The following ADGRB1 variants were observed in gnomAD, a reference collection of about 807,000 sequenced individuals.
ADGRB1 encodes the protein brain-specific angiogenesis inhibitor 1.
Under a neutral mutation model 175.7 loss-of-function variants are expected in ADGRB1, and 36 were observed. The ratio of observed to expected loss-of-function variants is 0.20; its 90% CI spans 0.16 to 0.27. ADGRB1 has a LOEUF of 0.27. Ranked by LOEUF, ADGRB1 falls within the 10% of genes least tolerant of loss-of-function variation. The pLI is 1.00. For missense variants in ADGRB1, 1,731 were observed against 2,255.3 expected (o/e 0.77, Z 4.71); for synonymous variants, 1,054 against 979.4 (o/e 1.08, Z -1.42).
At chr8:142,532,149 G>C (rs1257335026) in intron 24 of ADGRB1, among the ~76,000 whole-genome samples, 1 of 152,166 alleles carries the variant, frequency 6.6e-6, no homozygotes, top group Non-Finnish European at 1.5e-5. Context: ...TGTAGGAGGA[G>C]GGGAGGAGGG....
intron 20 of ADGRB1, among the ~76,000 whole-genome samples, chr8:142,521,512 C>T (rs138652342): frequency 2.5e-4 from 38 of 152,368 alleles, no homozygotes; most frequent in East Asian, 1.3e-3. Context: ...CAAGAGGGCC[C>T]GCAGTGAGAC....
rs1046908974 is a variant in ADGRB1 at position 142,537,146 on chromosome 8, C to T, written c.3666+64C>T. 12 of 1,278,740 alleles carry T rather than the reference C, an allele frequency of 9.4e-6. No individual in the cohort carries two copies. Among genetic ancestry groups the T allele is most frequent in the Middle Eastern group, 2.5e-4 (1 of 3,974 alleles). 79.2% of individuals were successfully genotyped at this position (1,278,740 alleles called of 1,614,324 possible). On this transcript the variant is annotated intron_variant, in intron 26 of 30. Coordinates refer to ENST00000517894, the MANE Select transcript of ADGRB1 (RefSeq NM_001702.3). The surrounding 1 kb of genome is among the most constrained non-coding windows in gnomAD (Gnocchi z 4.6). ...GCCTCGTACCCCCGCCAAGTGCCTC[C>T]AGGCCCTCACCGTGCCCCAAGCTCC... is the stretch of plus-strand genomic sequence containing the variant.
At chr8:142,524,888 G>A (rs896134759) in intron 23 of ADGRB1, among the ~76,000 whole-genome samples, 4 of 151,996 alleles carry the variant, frequency 2.6e-5, no homozygotes, top group Admixed American at 6.5e-5. Context: ...TGGGGGACCC[G>A]CCTGGGGTCA....
intron 13 of ADGRB1, among the ~76,000 whole-genome samples, chr8:142,485,219 C>T (rs766360178): frequency 7.2e-5 from 11 of 152,222 alleles, no homozygotes; most frequent in Non-Finnish European, 1.6e-4. Context: ...ATAACGGTGC[C>T]CATCTCATGG....
intron 17 of ADGRB1, among the ~76,000 whole-genome samples, chr8:142,495,445 C>T (rs1014192270): frequency 9.9e-5 from 15 of 152,026 alleles, no homozygotes; most frequent in African/African-American, 3.4e-4. Context: ...AACAAACTGC[C>T]AAAATTACCA....
At chr8:142,538,541 C>T (rs1845071403) in intron 26 of ADGRB1, among the ~76,000 whole-genome samples, 1 of 152,224 alleles carries the variant, frequency 6.6e-6, no homozygotes, top group African/African-American at 2.4e-5. Context: ...TTGTTGTCTC[C>T]ATCCAACCCA....
At chr8:142,486,859 T>G (rs1290809536) in intron 13 of ADGRB1, among the ~76,000 whole-genome samples, 1 of 151,562 alleles carries the variant, frequency 6.6e-6, no homozygotes, top group African/African-American at 2.4e-5. Flanking sequence ...TCTCTACAAA[T>G]GTTTTTAAAA....
chr8:142,529,615 CCA>C (rs1037934325), intron 24 of ADGRB1, among the ~76,000 whole-genome samples: 1 of 150,002 alleles, frequency 6.7e-6, no homozygotes, highest in Admixed American at 6.7e-5. Flanking sequence ...TGAGTGCAAC[CCA>C]GTGTGCATAC....
chr8:142,515,494 C>T (rs1281010415), intron 18 of ADGRB1, among the ~76,000 whole-genome samples: 1 of 151,214 alleles, frequency 6.6e-6, no homozygotes, highest in Non-Finnish European at 1.5e-5. Context: ...CGAGGGCAGG[C>T]GGAAGCAGAT....
chr8:142,530,110 A>AGT (rs751992331), intron 24 of ADGRB1, among the ~76,000 whole-genome samples: 2 of 148,382 alleles, frequency 1.3e-5, no homozygotes, highest in East Asian at 1.9e-4. Flanking sequence ...ATTTTGCGTT[A>AGT]GTGTGTGTGT....
intron 1 of ADGRB1, among the ~76,000 whole-genome samples, chr8:142,453,407 T>TC (rs1405225356): frequency 5.2e-4 from 79 of 152,112 alleles, no homozygotes; most frequent in Admixed American, 5.0e-3. Context: ...GGAGGAAAAC[T>TC]CCAACACCTG....
intron 25 of ADGRB1, among the ~76,000 whole-genome samples, chr8:142,534,646 T>C (rs1272477587): frequency 1.3e-5 from 2 of 152,148 alleles, no homozygotes; most frequent in Non-Finnish European, 2.9e-5. Flanking sequence ...CGGGCAGTGC[T>C]CCACACTTAC....
chr8:142,544,106 C>T (rs1180460007), intron 30 of ADGRB1, 114 bp from the exon 31 acceptor site: 11 of 1,153,032 alleles, frequency 9.5e-6, no homozygotes, highest in East Asian at 5.1e-5. Context: ...GTCCCCTGTC[C>T]CCCACCTCCC....
At chr8:142,484,121 C>A in intron 12 of ADGRB1, 76 bp downstream of exon 12, 1 of 1,389,968 alleles carries the variant, frequency 7.2e-7, no homozygotes, top group South Asian at 1.3e-5. Flanking sequence ...GGTCTCCAGT[C>A]GGCCTGGGGT....
rs143922737 is a variant in ADGRB1 at position 142,482,115 on chromosome 8, C to CT, written c.2130+405dup. On this transcript the variant is annotated intron_variant, in intron 11 of 30. Coordinates refer to ENST00000517894, the MANE Select transcript of ADGRB1 (RefSeq NM_001702.3). ...ACCATGTCCTGATCCTGGTCACACT[C>CT]TGAGTCCTGACCCTTGTCACAAACT... 6.0e-3 allele frequency among the ~76,000 whole-genome samples: 910 copies of CT among 150,842 alleles called. 11 individuals carry two copies. The highest frequency in any genetic ancestry group is 0.021 in the African/African-American group (857 of 40,878).
At chr8:142,544,084 A>G in intron 30 of ADGRB1, 136 bp from the exon 31 acceptor site, 3 of 927,308 alleles carry the variant, frequency 3.2e-6, no homozygotes, top group Admixed American at 5.3e-5. Context: ...TGAAAGCCTC[A>G]TCCTGTCCCC....
In ADGRB1 at chr8:142,464,416, G is replaced by A. The variant is rs886665664; in HGVS notation, c.218G>A (p.Arg73His). The stretch of plus-strand genomic sequence containing the variant: ...GCCTCGCGCTGCTCCTGGACGCTAC[G>A]CAACCCGGACCCGCGGCGCTACACT... The part of the protein sequence containing the change: ...ANASRCSWTL[R>H]NPDPRRYTLY... The change falls in exon 2 of 31, where the codon CGC (arginine) becomes CAC (histidine). Residue 73 changes from arginine to histidine, a missense_variant. Physicochemically the swap from Arg to His is conservative, Grantham distance 29. Around this residue, in one of 8 missense-constraint regions of ADGRB1, gnomAD observed 383 missense variants for 383.1 expected, o/e 1.00. Coordinates refer to ENST00000517894, the MANE Select transcript of ADGRB1 (RefSeq NM_001702.3). 1.9e-6 allele frequency: 3 copies of A among 1,547,028 alleles called. No individual in the cohort carries two copies. Among genetic ancestry groups the A allele is most frequent in the African/African-American group, 1.4e-5 (1 of 71,742 alleles).
Position 142,542,307 on chromosome 8 carries a change from A to G in ADGRB1, c.4073A>G (p.Lys1358Arg). The G allele has an allele frequency of 6.2e-7, 1 of 1,613,136 alleles. No individual in the cohort carries two copies. The highest frequency in any genetic ancestry group is 1.1e-5 in the South Asian group (1 of 91,078). ...LPTATATLRP[K>R]PKEEPKYSIH... ...ACGGCCACGGCCACGCTGCGGCCCA[A>G]GCCCAAGGAGGAGCCCAAGTACAGC... The change falls in exon 28 of 31, where the codon AAG (lysine) becomes AGG (arginine). Residue 1358 changes from lysine (K) to arginine (R), a missense_variant. Around this residue, in one of 8 missense-constraint regions of ADGRB1, gnomAD observed 394 missense variants for 410.2 expected, o/e 0.96. Transcript: ENST00000517894. The surrounding 1 kb of genome is among the most constrained non-coding windows in gnomAD (Gnocchi z 6.3).
chr8:142,472,088 C>T (rs1219517264), intron 2 of ADGRB1, among the ~76,000 whole-genome samples: 1 of 152,234 alleles, frequency 6.6e-6, no homozygotes, highest in Non-Finnish European at 1.5e-5. Context: ...GAGACCTCTG[C>T]TGGCAACAGA....
Sources: gnomAD v4.1 joint callset for allele counts (sites outside exome capture counted in the v4.1 genomes callset) on GRCh38, gnomAD v4.1.1 for gene constraint, gnomAD v4.1.1 regional missense constraint, Gnocchi (gnomAD v3.1) non-coding constraint, MANE v1.5 for transcripts, NCBI Gene and HGNC (gene_info 2026-07-23, HGNC 2026-07-21) for gene names.